The following CLNK variants were observed in gnomAD, a reference collection of about 807,000 sequenced individuals.
CLNK encodes the protein cytokine dependent hematopoietic cell linker.
A neutral mutation model predicts 68.6 loss-of-function variants in CLNK; 74 were observed. The ratio of observed to expected loss-of-function variants is 1.08; its 90% confidence interval spans 0.89 to 1.31. The LOEUF (loss-of-function observed/expected upper bound fraction) is 1.31. Among genes scored for constraint, CLNK ranks in the 50% most tolerant of loss-of-function variants. CLNK has a pLI of 0.00. For missense variants in CLNK, 553 were observed against 515.3 expected, an observed-to-expected ratio of 1.07 and a Z score of -0.71; for synonymous variants, 198 against 172.2, an observed-to-expected ratio of 1.15 and a Z score of -1.17.
chr4:10,497,515 A>G (rs1033026997), intron 18 of CLNK, among the ~76,000 whole-genome samples: 19 of 152,228 alleles, frequency 1.2e-4, no homozygotes, highest in Admixed American at 3.3e-4. Flanking sequence ...GACAGTAATT[A>G]GAGCAGCTCA....
chr4:10,510,690 G>C (rs997304328), intron 16 of CLNK, among the ~76,000 whole-genome samples: 3 of 152,152 alleles, frequency 2.0e-5, no homozygotes, highest in South Asian at 2.1e-4. Flanking sequence ...CTACCTGAAG[G>C]CTTCATCTGT....
At position 10,508,007 on chromosome 4, in the gene CLNK, T is replaced by C; in HGVS notation, c.936A>G (p.Gly312=). The C allele has an allele frequency of 6.2e-7, 1 of 1,611,552 alleles. No individual in the cohort carries two copies. The highest frequency in any genetic ancestry group is 8.5e-7 in the Non-Finnish European group (1 of 1,178,890). ...KDVQHNEWYI[G]EYSRQAVEEA... Reference sequence around the variant, plus strand: ...CTTCCACTGCCTGGCGGCTGTATTCTCCAATGTACCATTCATTGTGCTGGA... The same window carrying C: ...CTTCCACTGCCTGGCGGCTGTATTCCCCAATGTACCATTCATTGTGCTGGA... Residue 312 remains glycine (G), a synonymous_variant, in exon 17 of 19, where the codon GGA becomes GGG. Coordinates refer to ENST00000226951, the MANE Select transcript of CLNK (RefSeq NM_052964.4).
At chr4:10,645,522 T>G (rs1006963304) in intron 2 of CLNK, among the ~76,000 whole-genome samples, 1 of 152,210 alleles carries the variant, frequency 6.6e-6, no homozygotes. Flanking sequence ...GACAGGAATT[T>G]ACATACTTAA....
intron 2 of CLNK, among the ~76,000 whole-genome samples, chr4:10,609,762 C>T (rs1721936834): frequency 6.6e-6 from 1 of 152,168 alleles, no homozygotes; most frequent in Non-Finnish European, 1.5e-5. Context: ...CCTTCTTTTG[C>T]CAGAGTTGTA....
At chr4:10,603,472 A>G (rs980399475) in intron 2 of CLNK, among the ~76,000 whole-genome samples, 2 of 152,068 alleles carry the variant, frequency 1.3e-5, no homozygotes, top group Admixed American at 6.5e-5. Flanking sequence ...TTTTTGCCTC[A>G]TGTTCAGCAC....
At chr4:10,604,870 G>T (rs1207669939) in intron 2 of CLNK, among the ~76,000 whole-genome samples, 1 of 152,200 alleles carries the variant, frequency 6.6e-6, no homozygotes, top group Non-Finnish European at 1.5e-5. Flanking sequence ...GTGCCCAGTT[G>T]TTTGTTCAAA....
chr4:10,615,011 C>T (rs543968579), intron 2 of CLNK, among the ~76,000 whole-genome samples: 62 of 151,978 alleles, frequency 4.1e-4, no homozygotes, highest in Non-Finnish European at 7.2e-4. Context: ...CATAGCAAAA[C>T]GCCATCTCTA....
At chr4:10,575,538 T>G (rs1720529895) in intron 4 of CLNK, among the ~76,000 whole-genome samples, 1 of 152,252 alleles carries the variant, frequency 6.6e-6, no homozygotes, top group African/African-American at 2.4e-5. Context: ...TGCACACACG[T>G]GCACACCAGG....
chr4:10,550,882 G>C (rs948334725), intron 8 of CLNK, among the ~76,000 whole-genome samples: 3 of 152,096 alleles, frequency 2.0e-5, no homozygotes, highest in Non-Finnish European at 4.4e-5. Context: ...TTGCGCTTTT[G>C]GACCATTATT....
chr4:10,596,798 G>A (rs1721403902), intron 3 of CLNK, among the ~76,000 whole-genome samples: 1 of 151,988 alleles, frequency 6.6e-6, no homozygotes, highest in African/African-American at 2.4e-5. Flanking sequence ...TCAGAAAAAA[G>A]CACTGCTCTT....
chr4:10,678,123 C>A (rs1038320410), intron 1 of CLNK, among the ~76,000 whole-genome samples: 4 of 152,178 alleles, frequency 2.6e-5, no homozygotes, highest in Admixed American at 2.0e-4. Flanking sequence ...TTAACTATTT[C>A]TTTTTCTCTT....
chr4:10,689,571 G>T, upstream of CLNK, among the ~76,000 whole-genome samples: 1 of 152,144 alleles, frequency 6.6e-6, no homozygotes, highest in Admixed American at 6.5e-5. Flanking sequence ...GCTCCTGTCA[G>T]GCAGCTGGTC....
chr4:10,721,056 G>A, the CLNK span, among the ~76,000 whole-genome samples: 1 of 151,982 alleles, frequency 6.6e-6, no homozygotes, highest in Admixed American at 6.6e-5. Context: ...GAGTGAAAAA[G>A]TCAATCAAGA....
chr4:10,729,826 C>T, the CLNK span, among the ~76,000 whole-genome samples: 1 of 152,118 alleles, frequency 6.6e-6, no homozygotes. Context: ...TTTACTTGAC[C>T]ACGTTTCATT....
chr4:10,535,210 AAAGAGAAAGAAAG>A (rs1718698802), intron 11 of CLNK, among the ~76,000 whole-genome samples: 1 of 123,822 alleles, frequency 8.1e-6, no homozygotes, highest in East Asian at 2.4e-4. Flanking sequence ...AGAAAGAAAG[AAAGAGAAAGAAAG>A]AAAGAAAGAA....
At chr4:10,720,018 A>C in the CLNK span, among the ~76,000 whole-genome samples, 1 of 152,318 alleles carries the variant, frequency 6.6e-6, no homozygotes, top group South Asian at 2.1e-4. Context: ...AATGAAAATG[A>C]GACTGTAACA....
At chr4:10,591,562 T>C (rs1467894053) in intron 3 of CLNK, among the ~76,000 whole-genome samples, 1 of 152,114 alleles carries the variant, frequency 6.6e-6, no homozygotes, top group East Asian at 1.9e-4. Flanking sequence ...GAGGGAAATA[T>C]ACAAAAGAGG....
chr4:10,677,198 C>G (rs1262955698), intron 1 of CLNK, among the ~76,000 whole-genome samples: 1 of 152,122 alleles, frequency 6.6e-6, no homozygotes, highest in Non-Finnish European at 1.5e-5. Context: ...CCACCATTTA[C>G]AGGTTGGCCC....
chr4:10,704,118 T>A, the CLNK span, among the ~76,000 whole-genome samples: 1,713 of 151,660 alleles, frequency 0.011, 24 homozygotes, highest in African/African-American at 0.032. Context: ...TTTGCAAGAA[T>A]GGTAAGTAGC....
Sources: allele counts gnomAD v4.1 joint callset (sites outside exome capture counted in the v4.1 genomes callset), GRCh38; gene constraint gnomAD v4.1.1; transcripts MANE v1.5; gene names NCBI Gene and HGNC (gene_info 2026-07-23, HGNC 2026-07-21).